EP300: variants seen among roughly 807,000 people sequenced by gnomAD.
EP300 encodes EP300 lysine acetyltransferase, also known as histone acetyltransferase p300.
Under a neutral mutation model 264.0 loss-of-function variants are expected in EP300, and 31 were observed. The observed-to-expected ratio is 0.12, with a 90% confidence interval of 0.09 to 0.16. EP300 has a LOEUF of 0.16. EP300 is among the 10% of genes least tolerant of loss of function. The probability of loss-of-function intolerance (pLI) is 1.00; values close to 1 mark genes in which losing one functional copy is unlikely to be tolerated. For missense variants in EP300, 2,766 were observed against 3,052.9 expected (o/e 0.91, Z 2.21); for synonymous variants, 1,340 against 1,045.4 (o/e 1.28, Z -5.44).
At chr22:41,119,807 T>C (rs914572267) in intron 2 of EP300, among the ~76,000 whole-genome samples, 2 of 152,100 alleles carry the variant, frequency 1.3e-5, no homozygotes, top group Non-Finnish European at 2.9e-5. Flanking sequence ...TTAAACGATA[T>C]TTTATTTCCT....
intron 2 of EP300, among the ~76,000 whole-genome samples, chr22:41,119,983 T>G (rs2058843355): frequency 6.6e-6 from 1 of 152,028 alleles, no homozygotes; most frequent in Non-Finnish European, 1.5e-5. Flanking sequence ...CTGGCTAATT[T>G]TTGTATTTTT....
rs1312367245 is a variant in EP300 at position 41,177,378 on chromosome 22, G to A, written c.5667G>A (p.Arg1889=). 1 of 1,613,856 alleles carries A rather than the reference G, an allele frequency of 6.2e-7. No homozygotes were observed. The highest frequency in any genetic ancestry group is 8.5e-7 in the Non-Finnish European group (1 of 1,180,000). ...ATAGCATGCCACCCTACTTGCCCAG[G>A]ACTCAAGCTGCTGGCCCTGTGTCCC... The part of the protein sequence containing the change: ...PPNSMPPYLP[R]TQAAGPVSQG... Residue 1889 remains arginine (R), a synonymous_variant, in exon 31 of 31, where the codon AGG becomes AGA. Coordinates refer to ENST00000263253, the MANE Select transcript of EP300 (RefSeq NM_001429.4).
intron 14 of EP300, among the ~76,000 whole-genome samples, chr22:41,150,889 T>TAAA (rs66701772): frequency 2.3e-5 from 3 of 127,950 alleles, no homozygotes; most frequent in Non-Finnish European, 3.4e-5. Context: ...AAACTCCGTC[T>TAAA]AAAAAAAAAA....
Position 41,131,717 on chromosome 22 carries a change from A to AT in EP300, c.1528+90dup, listed in dbSNP as rs1455342928. On this transcript the variant is annotated intron_variant, in intron 6 of 30. Coordinates refer to ENST00000263253, the MANE Select transcript of EP300 (RefSeq NM_001429.4). ...AACACAGTGTTGTTAGCTCCTTTTT[A>AT]TTTTTTCTGCTACATGATTTTTTAA... 3.1e-6 allele frequency: 5 copies of AT among 1,588,440 alleles called. No homozygotes were observed. In the Admixed American group the frequency reaches 5.1e-5, roughly 16 times the overall value.
At chr22:41,172,475 A>C (rs1236765946) in intron 27 of EP300, 24 bp from the exon 28 acceptor site, 18 of 1,578,712 alleles carry the variant, frequency 1.1e-5, no homozygotes, top group Non-Finnish European at 1.6e-5. Context: ...AGAAATTCCT[A>C]TATGTACATG....
chr22:41,119,176 T>TTATTATTA (rs1483524084), intron 2 of EP300, among the ~76,000 whole-genome samples: 3 of 105,410 alleles, frequency 2.8e-5, no homozygotes, highest in African/African-American at 1.1e-4. Flanking sequence ...CTTATTATTA[T>TTATTATTA]TTTTTTTTTT....
intron 12 of EP300, among the ~76,000 whole-genome samples, chr22:41,148,643 C>A (rs536162510): frequency 4.5e-4 from 69 of 152,314 alleles, no homozygotes; most frequent in African/African-American, 1.6e-3. Flanking sequence ...CTTGTTTTTA[C>A]ATATTATGGG....
At chr22:41,114,626 T>C (rs1045325950) in intron 1 of EP300, among the ~76,000 whole-genome samples, 3 of 152,230 alleles carry the variant, frequency 2.0e-5, no homozygotes, top group African/African-American at 4.8e-5. Flanking sequence ...TTAGTTAATA[T>C]ATGACCATGT....
intron 1 of EP300, among the ~76,000 whole-genome samples, chr22:41,113,651 A>G (rs902067649): frequency 2.0e-5 from 3 of 152,094 alleles, no homozygotes; most frequent in Admixed American, 2.0e-4. Context: ...GGTTCATGCC[A>G]TTCTCCTGCC....
intron 26 of EP300, among the ~76,000 whole-genome samples, chr22:41,170,095 T>A (rs1456729634): frequency 1.3e-5 from 2 of 152,260 alleles, no homozygotes; most frequent in African/African-American, 4.8e-5. Flanking sequence ...CAGTGTAATC[T>A]TCATTTGGTC....
intron 1 of EP300, among the ~76,000 whole-genome samples, chr22:41,106,206 T>C (rs945564386): frequency 6.6e-6 from 1 of 152,178 alleles, no homozygotes; most frequent in African/African-American, 2.4e-5. Flanking sequence ...AGCTACAGTT[T>C]TAAAATTTCA....
intron 10 of EP300, 70 bp from the exon 11 acceptor site, chr22:41,146,665 TTGTG>T (rs1037633902): frequency 1.6e-6 from 2 of 1,256,380 alleles, no homozygotes; most frequent in South Asian, 1.2e-5. Context: ...TTTGTGGGGT[TTGTG>T]TGTGCAGTGA....
rs2059223029 is a variant in EP300, at chr22:41,179,020, A to C, written c.*64A>C. The stretch of plus-strand genomic sequence containing the variant: ...TCTCTTAACAAGACTTTTTGTACTG[A>C]AAACAATTTTTTTGAATCTTTCGTA... On this transcript the variant is annotated 3_prime_UTR_variant, in exon 31 of 31. Transcript: ENST00000263253. The C allele has an allele frequency of 1.3e-6, 2 of 1,592,150 alleles. No homozygotes were observed. The highest frequency in any genetic ancestry group is 8.6e-7 in the Non-Finnish European group (1 of 1,169,080).
intron 2 of EP300, among the ~76,000 whole-genome samples, chr22:41,125,428 G>GTT (rs113266126): frequency 2.2e-4 from 32 of 148,260 alleles, no homozygotes; most frequent in African/African-American, 7.9e-4. Flanking sequence ...GTTTTTTGGG[G>GTT]TTTTTTTTTT....
At chr22:41,116,071 C>CAATA in intron 1 of EP300, among the ~76,000 whole-genome samples, 1 of 152,236 alleles carries the variant, frequency 6.6e-6, no homozygotes, top group Non-Finnish European at 1.5e-5. Flanking sequence ...ATTAATACAG[C>CAATA]TTAATTGCAT....
intron 7 of EP300, 124 bp from the exon 8 acceptor site, chr22:41,137,529 C>T (rs1310763083): frequency 2.1e-5 from 27 of 1,295,216 alleles, no homozygotes; most frequent in South Asian, 7.5e-5. Context: ...CTGCCTAGCT[C>T]CTTAATGCGA....
intron 26 of EP300, among the ~76,000 whole-genome samples, chr22:41,169,819 T>A (rs2059160132): frequency 6.6e-6 from 1 of 152,218 alleles, no homozygotes; most frequent in Non-Finnish European, 1.5e-5. Context: ...GTTTCACCCA[T>A]CCAACATTAG....
Position 41,092,903 on chromosome 22 carries a change from C to G in EP300, c.-102C>G. 1.5e-6 allele frequency: 2 copies of G among 1,313,316 alleles called. No homozygotes were observed. The highest frequency in any genetic ancestry group is 2.2e-6 in the Non-Finnish European group (2 of 907,794). 81.4% of individuals were successfully genotyped at this position (1,313,316 alleles called of 1,614,324 possible). ...CCCACCCCCTCGGGTGCCGTCGGAG[C>G]CCCCCAGCCCACCCCTGGGTGCGGC... On this transcript the variant is annotated 5_prime_UTR_variant, in exon 1 of 31. Transcript: ENST00000263253.
At chr22:41,131,326 A>G in intron 5 of EP300, 62 bp from the exon 6 acceptor site, 3 of 1,550,112 alleles carry the variant, frequency 1.9e-6, no homozygotes, top group South Asian at 1.1e-5. Flanking sequence ...TTTATTAGAC[A>G]TGTTAGTCTT....
Sources: allele counts gnomAD v4.1 joint callset (sites outside exome capture counted in the v4.1 genomes callset), GRCh38; gene constraint gnomAD v4.1.1; transcripts MANE v1.5; gene names NCBI Gene and HGNC (gene_info 2026-07-23, HGNC 2026-07-21).